Variants in LIFR observed in about 807,000 individuals in gnomAD.
LIFR encodes the protein LIF receptor subunit alpha.
LIFR carries 84 observed loss-of-function variants against 122.2 expected under a neutral mutation model. The ratio of observed to expected loss-of-function variants is 0.69; its 90% confidence interval spans 0.58 to 0.82. The LOEUF (loss-of-function observed/expected upper bound fraction) is 0.82, where lower values mean the gene tolerates loss of function less well. LIFR is among the 40% of genes least tolerant of loss of function. The probability of loss-of-function intolerance (pLI) is 0.00; values close to 1 mark genes in which losing one functional copy is unlikely to be tolerated. For synonymous variants in LIFR, 422 were observed against 434.7 expected (o/e 0.97, Z 0.36); for missense variants, 1,294 against 1,311.6 (o/e 0.99, Z 0.21).
intron 1 of LIFR, among the ~76,000 whole-genome samples, chr5:38,539,710 A>G (rs1747485254): frequency 6.6e-6 from 1 of 152,010 alleles, no homozygotes; most frequent in Non-Finnish European, 1.5e-5. Context: ...AACTATCCCT[A>G]AAGGCCTTTC....
intron 11 of LIFR, among the ~76,000 whole-genome samples, chr5:38,500,489 T>G (rs1329656816): frequency 1.3e-5 from 2 of 152,218 alleles, no homozygotes; most frequent in Non-Finnish European, 2.9e-5. Flanking sequence ...TGAAGGTAAT[T>G]TCATACAATA....
At position 38,601,649 on chromosome 5, in the gene LIFR, C is replaced by A. The variant is rs531767009; in HGVS notation, n.305+4556G>T. 4.6e-5 allele frequency among the ~76,000 whole-genome samples: 7 copies of A among 152,324 alleles called. No individual in the cohort carries two copies. In the East Asian group the frequency reaches 1.4e-3, roughly 29 times the overall value. ...TCCTTCCACTGGGACCTCCTGGCTC[C>A]TTCCTCCAAGCTCACTTGACTTTTG... On this transcript the variant is annotated intron_variant and non_coding_transcript_variant, in intron 2 of 3. Coordinates refer to the LIFR transcript ENST00000507786.
chr5:38,558,409 A>G (rs1350356809), upstream of LIFR: 1 of 152,150 alleles, frequency 6.6e-6, no homozygotes, highest in African/African-American at 2.4e-5. Flanking sequence ...GATAATGGCT[A>G]ACATCCACCT....
intron 2 of LIFR, 101 bp downstream of exon 2, chr5:38,530,405 A>C: frequency 9.9e-7 from 1 of 1,010,836 alleles, no homozygotes; most frequent in Non-Finnish European, 1.6e-6. Context: ...ATTTTAACCA[A>C]CAAAATCCTA....
At chr5:38,568,203 A>G (rs1017878995) in intron 1 of LIFR, among the ~76,000 whole-genome samples, 3 of 152,240 alleles carry the variant, frequency 2.0e-5, no homozygotes, top group Non-Finnish European at 2.9e-5. Context: ...TACCAATGGC[A>G]ACTTGAAATA....
At chr5:38,485,002 A>G in intron 17 of LIFR, 134 bp from the exon 18 acceptor site, 2 of 660,616 alleles carry the variant, frequency 3.0e-6, no homozygotes, top group South Asian at 3.3e-5. Context: ...GGGACACTGA[A>G]AAACTATTAA....
intron 1 of LIFR, among the ~76,000 whole-genome samples, chr5:38,549,252 TACAC>T (rs58706799): frequency 0.57 from 84,498 of 147,668 alleles, 24,480 homozygotes; most frequent in Middle Eastern, 0.72. Flanking sequence ...TAGAAAATTG[TACAC>T]ACACACACAC....
At chr5:38,561,387 C>T (rs1748832698), upstream of LIFR, among the ~76,000 whole-genome samples, 1 of 151,974 alleles carries the variant, frequency 6.6e-6, no homozygotes, top group Non-Finnish European at 1.5e-5. Context: ...GATGTAAAAT[C>T]AAGTCTTGGT....
At chr5:38,556,062 T>C (rs1748513357) in intron 1 of LIFR, among the ~76,000 whole-genome samples, 1 of 152,084 alleles carries the variant, frequency 6.6e-6, no homozygotes, top group Admixed American at 6.5e-5. Context: ...CTCCCTCCCA[T>C]CCCCCAGGTA....
intron 1 of LIFR, among the ~76,000 whole-genome samples, chr5:38,542,246 C>T (rs1243527237): frequency 1.3e-5 from 2 of 152,146 alleles, no homozygotes; most frequent in African/African-American, 2.4e-5. Context: ...GACACTTGAA[C>T]GTTTAGCAAC....
intron 1 of LIFR, among the ~76,000 whole-genome samples, chr5:38,564,763 CACACACACACACACAT>C (rs892458737): frequency 2.7e-5 from 4 of 150,502 alleles, no homozygotes; most frequent in African/African-American, 7.3e-5. Context: ...CACACACACA[CACACACACACACACAT>C]ATATTTTTTT....
chr5:38,598,198 T>C (rs1209131928), upstream of LIFR, among the ~76,000 whole-genome samples: 1 of 147,640 alleles, frequency 6.8e-6, no homozygotes. Flanking sequence ...TATCCTTGTA[T>C]TTTAAGGCAC....
At position 38,506,011 on chromosome 5, in the gene LIFR, T is replaced by C. The variant is rs1745457411; in HGVS notation, c.1185A>G (p.Leu395=). ...AEAPTNESYQ[L]LFQMLPNQEI... ...CTTGATTTGGAAGCATTTGAAATAA[T>C]AATTGATAGCTTTCGTTTGTAGGTG... Residue 395 remains leucine (L), a synonymous_variant, in exon 9 of 20, where the codon TTA becomes TTG. Transcript: ENST00000453190. 6.2e-7 allele frequency: 1 copy of C among 1,608,310 alleles called. No homozygotes were observed. Among genetic ancestry groups the C allele is most frequent in the African/African-American group, 1.3e-5 (1 of 74,832 alleles).
upstream of LIFR, among the ~76,000 whole-genome samples, chr5:38,596,944 C>T (rs1052567328): frequency 1.6e-4 from 25 of 152,158 alleles, no homozygotes; most frequent in African/African-American, 5.5e-4. Flanking sequence ...AATAGAGGAA[C>T]CTGAAAATAT....
intron 1 of LIFR, among the ~76,000 whole-genome samples, chr5:38,583,151 G>A (rs1749641852): frequency 6.6e-6 from 1 of 152,214 alleles, no homozygotes. Flanking sequence ...ACGTAGAGCT[G>A]CTGTTGAACT....
chr5:38,538,274 C>T (rs1310657517), intron 1 of LIFR, among the ~76,000 whole-genome samples: 1 of 152,212 alleles, frequency 6.6e-6, no homozygotes, highest in Admixed American at 6.5e-5. Context: ...CACTTCCTGA[C>T]TGAACAGTAT....
intron 1 of LIFR, among the ~76,000 whole-genome samples, chr5:38,548,481 C>T (rs1748016656): frequency 6.6e-6 from 1 of 152,112 alleles, no homozygotes; most frequent in Non-Finnish European, 1.5e-5. Context: ...ATTGAGTGGG[C>T]CTCCTGGCTT....
At position 38,510,507 on chromosome 5, in the gene LIFR, A is replaced by G. The variant is rs1188751756; in HGVS notation, c.948T>C (p.Phe316=). 22 of 1,613,804 alleles carry G rather than the reference A, an allele frequency of 1.4e-5. No individual in the cohort carries two copies. Among genetic ancestry groups the G allele is most frequent in the Non-Finnish European group, 1.7e-5 (20 of 1,179,814 alleles). Reference sequence around the variant, plus strand: ...TTCCAAATATGTTATCTTCGGTTGTAAAAACTACATTTGTTCCACTACTTG... The same window carrying G: ...TTCCAAATATGTTATCTTCGGTTGTGAAAACTACATTTGTTCCACTACTTG... ...VSASSGTNVV[F]TTEDNIFGTV... The change falls in exon 7 of 20, where the codon TTT becomes TTC. Residue 316 remains phenylalanine, a synonymous_variant. Coordinates refer to ENST00000453190, the MANE Select transcript of LIFR (RefSeq NM_001127671.2).
chr5:38,505,011 T>C (rs1358861424), intron 9 of LIFR, among the ~76,000 whole-genome samples: 4 of 152,138 alleles, frequency 2.6e-5, no homozygotes, highest in Non-Finnish European at 5.9e-5. Context: ...GGAGTGTTAA[T>C]GCACATGGAC....
Sources: allele counts gnomAD v4.1 joint callset (sites outside exome capture counted in the v4.1 genomes callset), GRCh38; gene constraint gnomAD v4.1.1; transcripts MANE v1.5; gene names NCBI Gene and HGNC (gene_info 2026-07-23, HGNC 2026-07-21).